Variants in SPATS2L observed in about 807,000 individuals in gnomAD.
The protein encoded by SPATS2L is spermatogenesis associated serine rich 2 like.
A neutral mutation model predicts 59.6 loss-of-function variants in SPATS2L; 30 were observed. The observed-to-expected ratio is 0.50, with a 90% confidence interval of 0.38 to 0.68. The LOEUF is 0.68. Among genes scored for constraint, SPATS2L ranks in the 30% least tolerant of loss-of-function variants. SPATS2L has a pLI of 0.00. For missense variants in SPATS2L, 615 were observed against 700.0 expected (o/e 0.88, Z 1.37); for synonymous variants, 252 against 263.5 (o/e 0.96, Z 0.42).
At chr2:200,336,883 A>G (rs767939535) in intron 2 of SPATS2L, among the ~76,000 whole-genome samples, 1 of 152,218 alleles carries the variant, frequency 6.6e-6, no homozygotes, top group Non-Finnish European at 1.5e-5. Context: ...TTTCAAGCAC[A>G]TGTACATATG....
intron 1 of SPATS2L, among the ~76,000 whole-genome samples, chr2:200,328,290 G>A (rs2079821811): frequency 6.6e-6 from 1 of 152,130 alleles, no homozygotes; most frequent in South Asian, 2.1e-4. Flanking sequence ...ACAAAGTGTA[G>A]GCTGTGTCCT....
At chr2:200,438,648 C>A (rs1229239443) in intron 6 of SPATS2L, among the ~76,000 whole-genome samples, 1 of 152,182 alleles carries the variant, frequency 6.6e-6, no homozygotes, top group Non-Finnish European at 1.5e-5. Context: ...TATCTCCAGT[C>A]ACGCTTCTGC....
intron 1 of SPATS2L, among the ~76,000 whole-genome samples, chr2:200,319,390 C>A (rs1361464775): frequency 1.3e-5 from 2 of 152,016 alleles, no homozygotes; most frequent in Non-Finnish European, 2.9e-5. Flanking sequence ...CATGGCAAAA[C>A]CCCGTATCTA....
At chr2:200,446,958 T>C (rs1453962507) in intron 8 of SPATS2L, among the ~76,000 whole-genome samples, 2 of 152,204 alleles carry the variant, frequency 1.3e-5, no homozygotes, top group Admixed American at 6.5e-5. Context: ...TACTGAAGTG[T>C]AGAAAATTGA....
chr2:200,367,127 A>G (rs1169221403), intron 2 of SPATS2L, among the ~76,000 whole-genome samples: 1 of 152,240 alleles, frequency 6.6e-6, no homozygotes, highest in Non-Finnish European at 1.5e-5. Context: ...TAAACTCACT[A>G]CAAATAAATT....
chr2:200,355,510 C>G (rs1441371476), intron 2 of SPATS2L, among the ~76,000 whole-genome samples: 5 of 152,230 alleles, frequency 3.3e-5, no homozygotes, highest in African/African-American at 1.2e-4. Flanking sequence ...ACACAAATCT[C>G]ATATGCATTT....
intron 2 of SPATS2L, among the ~76,000 whole-genome samples, chr2:200,350,644 C>A (rs1268573305): frequency 4.6e-5 from 7 of 152,106 alleles, no homozygotes; most frequent in Non-Finnish European, 1.0e-4. Context: ...GTGCCTCAGC[C>A]TCCCAAGTAG....
chr2:200,406,928 GGGACAGA>G (rs1170775339), intron 3 of SPATS2L, among the ~76,000 whole-genome samples: 3 of 152,118 alleles, frequency 2.0e-5, no homozygotes, highest in African/African-American at 4.8e-5. Flanking sequence ...GGGAAAAGTG[GGGACAGA>G]GTCTTGGGTC....
intron 3 of SPATS2L, among the ~76,000 whole-genome samples, chr2:200,396,062 ATATATT>A (rs371544296): frequency 0.05 from 4,233 of 84,630 alleles, 700 homozygotes; most frequent in South Asian, 0.11. Flanking sequence ...ATATATATAT[ATATATT>A]TTCCCATAGA....
At chr2:200,390,372 T>C (rs2082133687) in intron 3 of SPATS2L, 1 of 152,116 alleles carries the variant, frequency 6.6e-6, no homozygotes. Flanking sequence ...CACAAGAATA[T>C]CTAAATGAAC....
At chr2:200,351,380 G>T (rs901463157) in intron 2 of SPATS2L, 4 of 447,998 alleles carry the variant, frequency 8.9e-6, no homozygotes, top group African/African-American at 2.0e-5. Flanking sequence ...TAATATATTT[G>T]CAGTAAAAAC....
At chr2:200,423,298 G>C (rs939605561) in intron 6 of SPATS2L, among the ~76,000 whole-genome samples, 17 of 152,166 alleles carry the variant, frequency 1.1e-4, no homozygotes, top group African/African-American at 3.6e-4. Context: ...CTATCTAATG[G>C]CTTTAAAATG....
intron 1 of SPATS2L, among the ~76,000 whole-genome samples, chr2:200,307,564 C>T (rs920918328): frequency 3.3e-5 from 5 of 152,158 alleles, no homozygotes; most frequent in Non-Finnish European, 4.4e-5. Flanking sequence ...GTCGCGCCGC[C>T]GCATTTGGGC....
intron 9 of SPATS2L, among the ~76,000 whole-genome samples, chr2:200,463,544 C>T (rs139164686): frequency 8.1e-4 from 123 of 152,238 alleles, no homozygotes; most frequent in East Asian, 1.9e-3. Context: ...GTATACTATA[C>T]GAAACACCTC....
At chr2:200,358,678 G>A (rs527458979) in intron 2 of SPATS2L, among the ~76,000 whole-genome samples, 2 of 151,582 alleles carry the variant, frequency 1.3e-5, no homozygotes, top group African/African-American at 2.4e-5. Context: ...TGAAAATTTG[G>A]TCCATCTTCC....
chr2:200,326,069 G>A (rs973231776), intron 1 of SPATS2L, among the ~76,000 whole-genome samples: 12 of 152,172 alleles, frequency 7.9e-5, no homozygotes, highest in African/African-American at 2.9e-4. Flanking sequence ...CTTATCAAAG[G>A]GCACCCAGGT....
chr2:200,365,275 G>A (rs2081233150), intron 2 of SPATS2L, among the ~76,000 whole-genome samples: 1 of 152,220 alleles, frequency 6.6e-6, no homozygotes, highest in African/African-American at 2.4e-5. Context: ...CTGAGGAAGG[G>A]GAGCATCATC....
chr2:200,445,268 G>A (rs775365517), intron 8 of SPATS2L, among the ~76,000 whole-genome samples: 6 of 152,164 alleles, frequency 3.9e-5, no homozygotes, highest in Non-Finnish European at 7.4e-5. Flanking sequence ...AGCCGAGGTC[G>A]TGCCACTGCA....
intron 6 of SPATS2L, among the ~76,000 whole-genome samples, chr2:200,422,330 A>G (rs59781250): frequency 0.026 from 4,020 of 152,262 alleles, 171 homozygotes; most frequent in African/African-American, 0.092. Flanking sequence ...TGAGCCCAGC[A>G]GTCCAAGACC....
Sources: gnomAD v4.1 joint callset for allele counts (sites outside exome capture counted in the v4.1 genomes callset) on GRCh38, gnomAD v4.1.1 for gene constraint, MANE v1.5 for transcripts, NCBI Gene and HGNC (gene_info 2026-07-23, HGNC 2026-07-21) for gene names.